Variants in WDR12 observed in about 807,000 individuals in gnomAD.
WDR12 encodes the protein WD repeat domain 12.
WDR12 carries 42 observed loss-of-function variants against 64.3 expected under a neutral mutation model. The ratio of observed to expected loss-of-function variants is 0.65; its 90% CI spans 0.51 to 0.84. The LOEUF (loss-of-function observed/expected upper bound fraction) is 0.84, where lower values mean the gene tolerates loss of function less well. WDR12 is among the 40% of genes least tolerant of loss of function. WDR12 has a pLI of 0.00. For synonymous variants in WDR12, 158 were observed against 173.3 expected, an observed-to-expected ratio of 0.91 and a Z score of 0.70; for missense variants, 469 against 494.6, an observed-to-expected ratio of 0.95 and a Z score of 0.49.
At chr2:202,900,404 G>A (rs1688328758) in intron 3 of WDR12, among the ~76,000 whole-genome samples, 1 of 151,908 alleles carries the variant, frequency 6.6e-6, no homozygotes, top group Non-Finnish European at 1.5e-5. Flanking sequence ...ATGGGTACAG[G>A]TCTTCTGTTT....
intron 8 of WDR12, among the ~76,000 whole-genome samples, chr2:202,887,578 A>G (rs1040547757): frequency 1.3e-5 from 2 of 152,160 alleles, no homozygotes; most frequent in African/African-American, 4.8e-5. Context: ...AGGTAATCAG[A>G]AGGCTCTAGA....
At chr2:202,887,891 T>C (rs1365676165) in intron 8 of WDR12, among the ~76,000 whole-genome samples, 4 of 102,816 alleles carry the variant, frequency 3.9e-5, no homozygotes, top group Non-Finnish European at 8.4e-5. Flanking sequence ...CGAGACTCCG[T>C]CTCAAAAAAA....
chr2:202,907,125 T>A (rs1402358242), intron 2 of WDR12, among the ~76,000 whole-genome samples: 1 of 152,124 alleles, frequency 6.6e-6, no homozygotes, highest in Non-Finnish European at 1.5e-5. Flanking sequence ...ATTTTTGTAT[T>A]TTTAGTAGAG....
In WDR12 at chr2:202,911,554, A is replaced by G; in HGVS notation, c.-78T>C. ...CAACACGAAGCTCCTGCCTTTTAAG[A>G]CTACAAAGAGGCAGCTCAAAATTAG... is the stretch of plus-strand genomic sequence containing the variant. On this transcript the variant is annotated 5_prime_UTR_variant, in exon 1 of 13. Transcript: ENST00000261015. 2.2e-6 allele frequency: 3 copies of G among 1,387,892 alleles called. No homozygotes were observed. The highest frequency in any genetic ancestry group is 4.6e-5 in the East Asian group (2 of 43,798). 86.0% of individuals were successfully genotyped at this position (1,387,892 alleles called of 1,614,324 possible).
chr2:202,899,647 A>G lies in WDR12; in HGVS notation c.232-10T>C. 6.2e-7 allele frequency: 1 copy of G among 1,611,604 alleles called. No individual in the cohort carries two copies. Among genetic ancestry groups the G allele is most frequent in the Non-Finnish European group, 8.5e-7 (1 of 1,178,474 alleles). On this transcript the variant is annotated splice_polypyrimidine_tract_variant and intron_variant, in intron 3 of 12. Coordinates refer to ENST00000261015, the MANE Select transcript of WDR12 (RefSeq NM_018256.4). ...TTTCCACAACTTCTTCCTAATCACA[A>G]GAGAAACCAGCAACAAGTCAGGTGG...
At position 202,878,361 on chromosome 2, in the gene WDR12, T is replaced by C. The variant is rs543905436; in HGVS notation, c.*2499A>G. The stretch of plus-strand genomic sequence containing the variant: ...GACCATCCAAAACAGGACTAGGAAT[T>C]CATCTTTGTCCTCTCAAAGTTAGAA... On this transcript the variant is annotated 3_prime_UTR_variant, in exon 13 of 13. Coordinates refer to ENST00000261015, the MANE Select transcript of WDR12 (RefSeq NM_018256.4). 6.6e-6 allele frequency: 1 copy of C among 152,310 alleles called. No homozygotes were observed. The highest frequency in any genetic ancestry group is 1.9e-4 in the East Asian group (1 of 5,186). The allele number at this position is 152,310 out of a possible 1,614,324, so 9.4% of individuals were successfully genotyped here.
intron 4 of WDR12, among the ~76,000 whole-genome samples, chr2:202,897,908 A>AAAAT (rs1466552102): frequency 2.5e-5 from 1 of 40,054 alleles, no homozygotes; most frequent in African/African-American, 7.3e-5. Flanking sequence ...AAAAAAAAAA[A>AAAAT]ATATATATAT....
intron 7 of WDR12, among the ~76,000 whole-genome samples, chr2:202,893,159 G>A (rs1032922947): frequency 6.6e-6 from 1 of 151,706 alleles, no homozygotes; most frequent in African/African-American, 2.4e-5. Flanking sequence ...GTTTTTTTGA[G>A]TTTTTAAAAT....
chr2:202,892,666 G>A lies in WDR12; in HGVS notation c.692C>T (p.Thr231Ile), dbSNP rs1688174955. 3 of 1,613,266 alleles carry A rather than the reference G, an allele frequency of 1.9e-6. No individual in the cohort carries two copies. The South Asian group carries it at 3.3e-5, about 18-fold the overall frequency. Residue 231 changes from threonine to isoleucine, a missense_variant, in exon 8 of 13, where the codon ACA becomes ATA. Thr to Ile is a moderately conservative substitution (Grantham distance 89, BLOSUM62 -1). Transcript: ENST00000261015. ...TDEEDEMEES[T>I]NRPRKKQKTE... ...CTTCTGTTTCTTTCTTGGTCGATTT[G>A]TGGACTCCTCCATTTCATCTTCTTC...
chr2:202,877,610 G>C lies in WDR12; in HGVS notation c.*3250C>G, dbSNP rs904429023. The stretch of plus-strand genomic sequence containing the variant: ...GCCCAGAAGGTGGAGGTTGCAGTAA[G>C]CCAAGATTACACCATTGTACTCCAG... On this transcript the variant is annotated 3_prime_UTR_variant, in exon 13 of 13. Transcript: ENST00000261015. 2 of 152,260 alleles carry C rather than the reference G, an allele frequency of 1.3e-5. No homozygotes were observed. Among genetic ancestry groups the C allele is most frequent in the Non-Finnish European group, 2.9e-5 (2 of 68,046 alleles). 9.4% of individuals were successfully genotyped at this position (152,260 alleles called of 1,614,324 possible).
Position 202,895,957 on chromosome 2 carries a change from G to A in WDR12, c.609+108C>T, listed in dbSNP as rs1309451101. 26 of 1,288,914 alleles carry A rather than the reference G, an allele frequency of 2.0e-5. No individual in the cohort carries two copies. The East Asian group carries it at 3.3e-4, about 16-fold the overall frequency. The allele number at this position is 1,288,914 out of a possible 1,614,324, so 79.8% of individuals were successfully genotyped here. On this transcript the variant is annotated intron_variant, in intron 6 of 12. Coordinates refer to ENST00000261015, the MANE Select transcript of WDR12 (RefSeq NM_018256.4). The stretch of plus-strand genomic sequence containing the variant: ...CTTTGAAATCCTATCTTTTGTCACC[G>A]ATTGTTAGGAAACTAGGCCAACACA...
In WDR12 at chr2:202,877,822, C is replaced by G. The variant is rs1337079104; in HGVS notation, c.*3038G>C. On this transcript the variant is annotated 3_prime_UTR_variant, in exon 13 of 13. Transcript: ENST00000261015. ...CTTTTCCCCAACCACGGGAAAGCAG[C>G]ACCACTCATTTATCCAAGTGATTCT... is the stretch of plus-strand genomic sequence containing the variant. The G allele has an allele frequency of 6.6e-6, 1 of 152,256 alleles. No individual in the cohort carries two copies. The highest frequency in any genetic ancestry group is 2.4e-5 in the African/African-American group (1 of 41,446). The allele number at this position is 152,256 out of a possible 1,614,324, so 9.4% of individuals were successfully genotyped here. A position where few individuals can be genotyped will look rare whatever the true frequency, so the allele number is the denominator to read the frequency against.
intron 3 of WDR12, among the ~76,000 whole-genome samples, chr2:202,900,590 C>A (rs1327682090): frequency 6.6e-6 from 1 of 151,986 alleles, no homozygotes; most frequent in African/African-American, 2.4e-5. Context: ...TATTTTTAAT[C>A]ATAAAAGCAA....
At position 202,877,016 on chromosome 2, in the gene WDR12, T is replaced by G. The variant is rs537247462; in HGVS notation, c.*3844A>C. 1 of 152,002 alleles carries G rather than the reference T, an allele frequency of 6.6e-6. No homozygotes were observed. Among genetic ancestry groups the G allele is most frequent in the African/African-American group, 2.4e-5 (1 of 41,408 alleles). 9.4% of individuals were successfully genotyped at this position (152,002 alleles called of 1,614,324 possible). On this transcript the variant is annotated 3_prime_UTR_variant, in exon 13 of 13. Transcript: ENST00000261015. ...TTGTTATATATAGTAAACTGTTACC[T>G]TTTTTTCAAAACTACGATACATCAA... is the stretch of plus-strand genomic sequence containing the variant.
At chr2:202,892,998 T>C (rs1688180334) in intron 7 of WDR12, among the ~76,000 whole-genome samples, 1 of 152,106 alleles carries the variant, frequency 6.6e-6, no homozygotes, top group African/African-American at 2.4e-5. Context: ...ATCATAGCTA[T>C]GAAAAATTGC....
In WDR12 at chr2:202,911,417, G is replaced by A; in HGVS notation, c.41+19C>T. On this transcript the variant is annotated intron_variant, in intron 1 of 12. Coordinates refer to ENST00000261015, the MANE Select transcript of WDR12 (RefSeq NM_018256.4). ...AAAGGAACCTGGGGAAGGGAGAGAA[G>A]GCTGGAACGCTTACTTACTTCTTGT... 6.2e-7 allele frequency: 1 copy of A among 1,613,676 alleles called. No homozygotes were observed. Among genetic ancestry groups the A allele is most frequent in the Non-Finnish European group, 8.5e-7 (1 of 1,179,590 alleles).
rs1223605542 is a variant in WDR12, at chr2:202,911,438, CTT to C, written c.37_38del (p.Lys13GlufsTer6). On this transcript the variant is annotated frameshift_variant, in exon 1 of 13. Transcript: ENST00000261015. LOFTEE classifies it high-confidence loss of function. The stretch of plus-strand genomic sequence containing the variant: ...AGAAGGCTGGAACGCTTACTTACTT[CTT>C]GTTATCAGTGTAGAAGCGTGTTTGG... ...QLQTRFYTDN[K>X]KYAVDDVPFS... 1 of 1,613,998 alleles carries C rather than the reference CTT, an allele frequency of 6.2e-7. No individual in the cohort carries two copies. The highest frequency in any genetic ancestry group is 1.3e-5 in the African/African-American group (1 of 74,916).
intron 12 of WDR12, among the ~76,000 whole-genome samples, chr2:202,882,430 G>A (rs373269039): frequency 2.0e-5 from 3 of 151,914 alleles, no homozygotes; most frequent in Admixed American, 6.6e-5. Context: ...CTTGGATCAC[G>A]CCATTCTCCT....
intron 2 of WDR12, among the ~76,000 whole-genome samples, chr2:202,903,078 C>CA (rs1265349451): frequency 2.6e-5 from 4 of 151,548 alleles, no homozygotes; most frequent in South Asian, 2.1e-4. Context: ...GACTCCGTCT[C>CA]AAAAAAAACC....
Sources: gnomAD v4.1 joint callset for allele counts (sites outside exome capture counted in the v4.1 genomes callset) on GRCh38, gnomAD v4.1.1 for gene constraint, MANE v1.5 for transcripts, NCBI Gene and HGNC (gene_info 2026-07-23, HGNC 2026-07-21) for gene names.